PRR16: variants seen among roughly 807,000 people sequenced by gnomAD.
PRR16 encodes proline rich 16, also known as protein Largen.
A neutral mutation model predicts 18.2 loss-of-function variants in PRR16; 6 were observed. The ratio of observed to expected loss-of-function variants is 0.33; its 90% CI spans 0.18 to 0.65. PRR16 has a LOEUF of 0.65. PRR16 is among the 30% of genes least tolerant of loss of function. PRR16 has a pLI of 0.74. For missense variants in PRR16, 412 were observed against 376.6 expected (o/e 1.09, Z -0.78); for synonymous variants, 151 against 147.8 (o/e 1.02, Z -0.16).
chr5:120,506,273 C>A (rs1363160092), intron 1 of PRR16, among the ~76,000 whole-genome samples: 2 of 151,562 alleles, frequency 1.3e-5, no homozygotes, highest in African/African-American at 2.4e-5. Context: ...TCACATATAT[C>A]TTTTTTTAAG....
At chr5:120,510,656 C>T (rs139978898) in intron 1 of PRR16, among the ~76,000 whole-genome samples, 1 of 152,182 alleles carries the variant, frequency 6.6e-6, no homozygotes, top group East Asian at 1.9e-4. Flanking sequence ...TGGGTGGGGA[C>T]TTAAAAATGA....
At chr5:120,576,305 T>TAAC (rs914602859) in intron 1 of PRR16, among the ~76,000 whole-genome samples, 4 of 151,930 alleles carry the variant, frequency 2.6e-5, no homozygotes, top group Admixed American at 2.0e-4. Flanking sequence ...AACAACTCAG[T>TAAC]AACAACAACA....
At chr5:120,572,888 A>T (rs1300797104) in intron 1 of PRR16, among the ~76,000 whole-genome samples, 1 of 152,144 alleles carries the variant, frequency 6.6e-6, no homozygotes, top group Non-Finnish European at 1.5e-5. Context: ...ATTGAATGTC[A>T]TTTTGGAACG....
intron 1 of PRR16, among the ~76,000 whole-genome samples, chr5:120,667,589 T>C (rs1756436750): frequency 6.6e-6 from 1 of 151,490 alleles, no homozygotes; most frequent in Non-Finnish European, 1.5e-5. Flanking sequence ...CTTGTGGGCA[T>C]TTAGTGCTAT....
chr5:120,790,707 C>A, the PRR16 span: 1 of 152,130 alleles, frequency 6.6e-6, no homozygotes, highest in East Asian at 1.9e-4. Flanking sequence ...TTTGCACTGT[C>A]ACTTCCATTC....
chr5:120,611,709 G>C (rs1202891590), intron 1 of PRR16, among the ~76,000 whole-genome samples: 4 of 152,320 alleles, frequency 2.6e-5, no homozygotes, highest in South Asian at 2.1e-4. Context: ...CCAGGCAAAA[G>C]TTTGCTGCAG....
chr5:120,675,013 C>T (rs1343863938), intron 1 of PRR16, among the ~76,000 whole-genome samples: 1 of 152,050 alleles, frequency 6.6e-6, no homozygotes, highest in Non-Finnish European at 1.5e-5. Flanking sequence ...ATTAGACTTA[C>T]TACAAAGTTC....
At chr5:120,519,283 A>G (rs1223619402) in intron 1 of PRR16, among the ~76,000 whole-genome samples, 1 of 152,142 alleles carries the variant, frequency 6.6e-6, no homozygotes, top group Non-Finnish European at 1.5e-5. Context: ...GTTACAATTT[A>G]TCATTGTAAC....
the PRR16 span, among the ~76,000 whole-genome samples, chr5:120,773,654 AG>A: frequency 6.6e-6 from 1 of 152,118 alleles, no homozygotes; most frequent in African/African-American, 2.4e-5. Context: ...TTTGAAGGAA[AG>A]ATGGCTATCT....
At chr5:120,529,134 C>T (rs1751463784) in intron 1 of PRR16, among the ~76,000 whole-genome samples, 1 of 152,198 alleles carries the variant, frequency 6.6e-6, no homozygotes, top group East Asian at 1.9e-4. Context: ...AAGAACAAGG[C>T]AACCAATCTT....
chr5:120,477,237 G>C (rs180862724), intron 1 of PRR16, among the ~76,000 whole-genome samples: 1 of 152,028 alleles, frequency 6.6e-6, no homozygotes, highest in East Asian at 1.9e-4. Context: ...TTCTGAGCTT[G>C]TGTAGCCAAC....
intron 1 of PRR16, among the ~76,000 whole-genome samples, chr5:120,487,728 T>G (rs1247642838): frequency 1.3e-5 from 2 of 152,190 alleles, no homozygotes; most frequent in Admixed American, 1.3e-4. Flanking sequence ...CTTGTGCCAG[T>G]TTTCAAAGGG....
At chr5:120,502,117 C>T (rs1750481051) in intron 1 of PRR16, among the ~76,000 whole-genome samples, 1 of 151,242 alleles carries the variant, frequency 6.6e-6, no homozygotes, top group Non-Finnish European at 1.5e-5. Flanking sequence ...TTATTGGAAG[C>T]TTTGGAAGCC....
At chr5:120,546,964 A>G (rs1329620650) in intron 1 of PRR16, among the ~76,000 whole-genome samples, 2 of 152,130 alleles carry the variant, frequency 1.3e-5, no homozygotes, top group African/African-American at 4.8e-5. Context: ...TTACATGCCA[A>G]TTAAGAGAAG....
intron 1 of PRR16, among the ~76,000 whole-genome samples, chr5:120,531,222 G>T (rs1751539798): frequency 6.6e-6 from 1 of 152,076 alleles, no homozygotes; most frequent in Admixed American, 6.5e-5. Flanking sequence ...TCCCTCTTTA[G>T]TGGTGGTAGT....
At chr5:120,624,984 G>T (rs368662887) in intron 1 of PRR16, among the ~76,000 whole-genome samples, 1 of 152,228 alleles carries the variant, frequency 6.6e-6, no homozygotes. Flanking sequence ...TTCACCTGCC[G>T]CCATGATTGT....
chr5:120,530,348 A>G (rs1161722887), intron 1 of PRR16, among the ~76,000 whole-genome samples: 1 of 148,200 alleles, frequency 6.7e-6, no homozygotes, highest in Non-Finnish European at 1.5e-5. Flanking sequence ...AACAGTTAGC[A>G]GAATTCTTTC....
At chr5:120,785,943 C>A in the PRR16 span, among the ~76,000 whole-genome samples, 3 of 149,610 alleles carry the variant, frequency 2.0e-5, no homozygotes, top group African/African-American at 4.9e-5. Context: ...TCTTTTTATT[C>A]TTCCATGGCA....
At chr5:120,580,487 C>G (rs546191141) in intron 1 of PRR16, among the ~76,000 whole-genome samples, 52 of 136,266 alleles carry the variant, frequency 3.8e-4, no homozygotes, top group African/African-American at 1.3e-3. Flanking sequence ...CAGGATCTTG[C>G]TCTGTCGCCC....
Sources: gnomAD v4.1 joint callset for allele counts (sites outside exome capture counted in the v4.1 genomes callset) on GRCh38, gnomAD v4.1.1 for gene constraint, MANE v1.5 for transcripts, NCBI Gene and HGNC (gene_info 2026-07-23, HGNC 2026-07-21) for gene names.